TET1: variants seen among roughly 807,000 people sequenced by gnomAD.
TET1 encodes methylcytosine dioxygenase TET1.
Under a neutral mutation model 148.7 loss-of-function variants are expected in TET1, and 13 were observed. The ratio of observed to expected loss-of-function variants is 0.09; its 90% CI spans 0.06 to 0.14. The LOEUF (loss-of-function observed/expected upper bound fraction) is 0.14, where lower values mean the gene tolerates loss of function less well. Ranked by LOEUF, TET1 falls within the 10% of genes least tolerant of loss-of-function variation. The pLI is 1.00. For missense variants in TET1, 2,182 were observed against 2,553.8 expected (o/e 0.85, Z 3.14); for synonymous variants, 907 against 937.2 (o/e 0.97, Z 0.59).
chr10:68,610,570 A>G (rs925271744), intron 3 of TET1, among the ~76,000 whole-genome samples: 2 of 152,212 alleles, frequency 1.3e-5, no homozygotes, highest in African/African-American at 4.8e-5. Flanking sequence ...ACCCTGGGTG[A>G]CAGAGGGAGA....
At chr10:68,637,390 TGGAAAAACTTTG>T (rs1041515448) in intron 3 of TET1, among the ~76,000 whole-genome samples, 7 of 152,146 alleles carry the variant, frequency 4.6e-5, no homozygotes, top group African/African-American at 1.7e-4. Context: ...ATAAGGTTGT[TGGAAAAACTTTG>T]GGAAAAACTG....
chr10:68,688,601 A>AT lies in TET1; in HGVS notation c.5404+1902dup, dbSNP rs533696584. The stretch of plus-strand genomic sequence containing the variant: ...AGGCACCCGCCACCACGCCTGGCTA[A>AT]TTTTTTTTATATATTTTTAGTAGAG... On this transcript the variant is annotated intron_variant, in intron 11 of 11. Transcript: ENST00000373644. Among the ~76,000 whole-genome samples the AT allele has an allele frequency of 3.8e-3, 571 of 151,648 alleles. 2 individuals are homozygous for AT. Among genetic ancestry groups the AT allele is most frequent in the African/African-American group, 0.013 (540 of 41,314 alleles).
chr10:68,600,468 C>A (rs1431552805), intron 2 of TET1, among the ~76,000 whole-genome samples: 1 of 152,166 alleles, frequency 6.6e-6, no homozygotes, highest in South Asian at 2.1e-4. Flanking sequence ...CCGAGCCGCA[C>A]AGGAGATCCT....
At chr10:68,636,666 G>A (rs1453934914) in intron 3 of TET1, among the ~76,000 whole-genome samples, 1 of 152,176 alleles carries the variant, frequency 6.6e-6, no homozygotes, top group Non-Finnish European at 1.5e-5. Context: ...AAAGTGAAAA[G>A]GAAAGAAGCC....
At chr10:68,664,469 C>CGA (rs951029736) in intron 6 of TET1, among the ~76,000 whole-genome samples, 1 of 139,728 alleles carries the variant, frequency 7.2e-6, no homozygotes, top group Non-Finnish European at 1.6e-5. Context: ...AGTGCAGTGG[C>CGA]GAGATCTGGG....
chr10:68,600,937 T>C, intron 2 of TET1, 44 bp from the exon 3 acceptor site: 1 of 1,579,144 alleles, frequency 6.3e-7, no homozygotes. Flanking sequence ...GAGCTAATTT[T>C]ATTTCTTAAA....
At position 68,573,803 on chromosome 10, in the gene TET1, C is replaced by A. The variant is rs762889327; in HGVS notation, c.1465C>A (p.Pro489Thr). ...SSSNSEKNSL[P>T]PVMAISNVEN... ...ATCAAACTCAGAGAAAAATTCATTA[C>A]CTCCAGTAATGGCTATAAGCAATGT... is the stretch of plus-strand genomic sequence containing the variant. The change falls in exon 2 of 12, where the codon CCT becomes ACT. Residue 489 changes from proline to threonine, a missense_variant. Physicochemically the swap from Pro to Thr is conservative, Grantham distance 38 (BLOSUM62 -1). Around this residue, in one of 11 missense-constraint regions of TET1, gnomAD observed 665 missense variants for 672.4 expected, o/e 0.99. Transcript: ENST00000373644. The A allele has an allele frequency of 2.5e-6, 4 of 1,614,062 alleles. No individual in the cohort carries two copies. The East Asian group carries it at 6.7e-5, about 27-fold the overall frequency.
rs2053840072 is a variant in TET1, at chr10:68,584,645, G to T, written c.1914+10393G>T. Among the ~76,000 whole-genome samples, 3 of 151,316 alleles carry T rather than the reference G, an allele frequency of 2.0e-5. 1 individual carries two copies. On this transcript the variant is annotated intron_variant, in intron 2 of 11. Coordinates refer to ENST00000373644, the MANE Select transcript of TET1 (RefSeq NM_030625.3). ...AATTGCTTGAACCCAGGAGGCAAAGGTTGCAGAGAGCTGAGATCGCACCAC... is the reference window on the plus strand; with the variant it reads ...AATTGCTTGAACCCAGGAGGCAAAGTTTGCAGAGAGCTGAGATCGCACCAC...
chr10:68,673,478 C>T (rs777191691), intron 8 of TET1: 6 of 377,840 alleles, frequency 1.6e-5, no homozygotes, highest in South Asian at 4.1e-5. Context: ...GTCCGGGACA[C>T]GAGGCCATGG....
intron 5 of TET1, 57 bp from the exon 6 acceptor site, chr10:68,652,444 C>T: frequency 7.6e-7 from 1 of 1,315,540 alleles, no homozygotes; most frequent in South Asian, 1.4e-5. Context: ...AAGCCAAAGC[C>T]TTCAAGTACA....
rs74882105 is a variant in TET1, at chr10:68,596,673, C to T, written c.1915-4308C>T. ...AAATCACTTAGTATAGGAATTGAAA[C>T]ACCTGATCTATGCTGTGTTCAAACA... On this transcript the variant is annotated intron_variant, in intron 2 of 11. Transcript: ENST00000373644. Among the ~76,000 whole-genome samples, 186 of 152,320 alleles carry T rather than the reference C, an allele frequency of 1.2e-3. 2 individuals carry two copies. The highest frequency in any genetic ancestry group is 4.1e-3 in the African/African-American group (171 of 41,572).
At position 68,691,884 on chromosome 10, in the gene TET1, T is replaced by C; in HGVS notation, c.*70T>C. The C allele has an allele frequency of 1.3e-6, 2 of 1,504,532 alleles. No individual in the cohort carries two copies. The highest frequency in any genetic ancestry group is 1.8e-4 in the Middle Eastern group (1 of 5,598). The allele number at this position is 1,504,532 out of a possible 1,614,324, so 93.2% of individuals were successfully genotyped here. ...TTTTCAAGGTGCTGTTAAAAGAAAG[T>C]CATGTTGTCGTTTACTATCTTCATC... On this transcript the variant is annotated 3_prime_UTR_variant, in exon 12 of 12. Transcript: ENST00000373644. The surrounding 1 kb of genome is among the most constrained non-coding windows in gnomAD (Gnocchi z 4.4).
chr10:68,581,819 A>G (rs1055018765), intron 2 of TET1, among the ~76,000 whole-genome samples: 20 of 151,252 alleles, frequency 1.3e-4, no homozygotes, highest in African/African-American at 4.1e-4. Context: ...CCTGGGCGAC[A>G]GAGTGAGACC....
intron 3 of TET1, among the ~76,000 whole-genome samples, chr10:68,602,111 G>A (rs1391638318): frequency 6.6e-6 from 1 of 152,126 alleles, no homozygotes; most frequent in Non-Finnish European, 1.5e-5. Context: ...GCATTTTCAT[G>A]TACCTGTTTC....
At chr10:68,574,290 C>A in intron 2 of TET1, 38 bp downstream of exon 2, 1 of 1,544,944 alleles carries the variant, frequency 6.5e-7, no homozygotes, top group Non-Finnish European at 8.8e-7. Flanking sequence ...ACAGCTGACA[C>A]TTGGTATAGT....
intron 3 of TET1, chr10:68,632,322 A>C: frequency 1.8e-6 from 2 of 1,116,134 alleles, no homozygotes; most frequent in Non-Finnish European, 2.5e-6. Context: ...ATTCCCTTTC[A>C]AAAAAAAAAG....
chr10:68,595,360 G>C (rs1219536388), intron 2 of TET1, among the ~76,000 whole-genome samples: 1 of 152,018 alleles, frequency 6.6e-6, no homozygotes, highest in Non-Finnish European at 1.5e-5. Flanking sequence ...AGAATTTCTT[G>C]GGAGAGGAGA....
intron 2 of TET1, among the ~76,000 whole-genome samples, chr10:68,578,337 C>T (rs1194897535): frequency 1.3e-5 from 2 of 152,102 alleles, no homozygotes; most frequent in African/African-American, 4.8e-5. Context: ...CAGCTCACTG[C>T]GACCTCCACC....
At chr10:68,561,117 G>T (rs1219683040) in intron 1 of TET1, among the ~76,000 whole-genome samples, 2 of 152,230 alleles carry the variant, frequency 1.3e-5, no homozygotes, top group Middle Eastern at 3.4e-3. Flanking sequence ...ATATACCAGC[G>T]GTTGGTTCCC....
Sources: gnomAD v4.1 joint callset for allele counts (sites outside exome capture counted in the v4.1 genomes callset) on GRCh38, gnomAD v4.1.1 for gene constraint, gnomAD v4.1.1 regional missense constraint, Gnocchi (gnomAD v3.1) non-coding constraint, MANE v1.5 for transcripts, NCBI Gene and HGNC (gene_info 2026-07-23, HGNC 2026-07-21) for gene names.